The following SATB1 variants were observed in gnomAD, a reference collection of about 807,000 sequenced individuals.
SATB1 encodes SATB homeobox 1.
Under a neutral mutation model 86.9 loss-of-function variants are expected in SATB1, and 11 were observed. The observed-to-expected ratio is 0.13, with a 90% CI of 0.08 to 0.21. The LOEUF is 0.21. SATB1 is among the 10% of genes least tolerant of loss of function. SATB1 has a pLI of 1.00. For missense variants in SATB1, 551 were observed against 937.6 expected (o/e 0.59, Z 5.39); for synonymous variants, 357 against 357.2 (o/e 1.00, Z 0.01).
chr3:18,416,236 T>C, intron 3 of SATB1, 103 bp from the exon 4 acceptor site: 1 of 815,156 alleles, frequency 1.2e-6, no homozygotes, highest in Non-Finnish European at 1.8e-6. Context: ...CCACAAGCAG[T>C]ACCGTTATTT....
intron 9 of SATB1, among the ~76,000 whole-genome samples, chr3:18,372,126 A>T (rs939532888): frequency 6.6e-6 from 1 of 152,242 alleles, no homozygotes; most frequent in South Asian, 2.1e-4. Flanking sequence ...CTATGAATAC[A>T]TAGTTGGCAT....
chr3:18,443,007 C>A (rs1699279686), upstream of SATB1, among the ~76,000 whole-genome samples: 1 of 152,166 alleles, frequency 6.6e-6, no homozygotes, highest in African/African-American at 2.4e-5. This position sits in a 1 kb window ranked among gnomAD's most constrained non-coding sequence, Gnocchi z 4.4. Flanking sequence ...AACACCTCAA[C>A]CTTGGTTTTC....
chr3:18,354,896 A>C (rs1364684915), intron 9 of SATB1, among the ~76,000 whole-genome samples: 1 of 152,142 alleles, frequency 6.6e-6, no homozygotes, highest in East Asian at 1.9e-4. Context: ...CTGTGTCTCT[A>C]GACTTACGAG....
chr3:18,397,744 A>C (rs1697038328), intron 5 of SATB1, among the ~76,000 whole-genome samples: 1 of 152,220 alleles, frequency 6.6e-6, no homozygotes, highest in African/African-American at 2.4e-5. Context: ...AGCTTGTTAG[A>C]AATGCAGAAT....
At position 18,424,961 on chromosome 3, in the gene SATB1, G is replaced by C. The variant is rs1698605464; in HGVS notation, c.-1359C>G. 6.5e-6 allele frequency: 1 copy of C among 155,032 alleles called. No individual in the cohort carries two copies. The highest frequency in any genetic ancestry group is 2.4e-5 in the African/African-American group (1 of 41,476). The allele number at this position is 155,032 out of a possible 1,614,324, so 9.6% of individuals were successfully genotyped here. On this transcript the variant is annotated 5_prime_UTR_variant, in exon 1 of 11. Coordinates refer to ENST00000338745, the MANE Select transcript of SATB1 (RefSeq NM_002971.6). ...TTTGTGTGTGTGCGTGAGTGTGAGCGCGAGTCCCCGGACGGGGCTGCTTCT... is the reference window on the plus strand; with the variant it reads ...TTTGTGTGTGTGCGTGAGTGTGAGCCCGAGTCCCCGGACGGGGCTGCTTCT...
intron 2 of SATB1, among the ~76,000 whole-genome samples, chr3:18,433,681 A>G (rs778114287): frequency 6.6e-5 from 10 of 152,114 alleles, no homozygotes; most frequent in Non-Finnish European, 1.2e-4. Context: ...ACCAACTTAC[A>G]AACATATATT....
Position 18,386,629 on chromosome 3 carries a change from C to CACAG in SATB1, c.1207-22_1207-19dup. 1 of 1,608,546 alleles carries CACAG rather than the reference C, an allele frequency of 6.2e-7. No homozygotes were observed. The highest frequency in any genetic ancestry group is 1.1e-5 in the South Asian group (1 of 90,758). ...AGCAAGCCCTGCAAGAAATGAAAGG[C>CACAG]ACAGGGTGAGCCTGCTGCCTTGCTT... is the stretch of plus-strand genomic sequence containing the variant. On this transcript the variant is annotated intron_variant, in intron 7 of 10. Transcript: ENST00000338745. This position sits in a 1 kb window ranked among gnomAD's most constrained non-coding sequence, Gnocchi z 4.5.
intron 5 of SATB1, among the ~76,000 whole-genome samples, chr3:18,411,653 G>A (rs1309033096): frequency 1.3e-5 from 2 of 151,814 alleles, no homozygotes; most frequent in African/African-American, 4.8e-5. Context: ...CTCCTTAGCT[G>A]CAGTTCAGAA....
At chr3:18,412,478 T>C (rs536060608) in intron 5 of SATB1, among the ~76,000 whole-genome samples, 9 of 152,208 alleles carry the variant, frequency 5.9e-5, no homozygotes, top group African/African-American at 2.2e-4. Flanking sequence ...TACTTGCTAC[T>C]GGAGTACTTT....
chr3:18,369,552 G>A lies in SATB1; in HGVS notation c.1575+8618C>T, dbSNP rs1695355913. Among the ~76,000 whole-genome samples, 3 of 152,016 alleles carry A rather than the reference G, an allele frequency of 2.0e-5. 1 individual carries two copies. Among genetic ancestry groups the A allele is most frequent in the Admixed American group, 2.0e-4 (3 of 15,264 alleles). On this transcript the variant is annotated intron_variant, in intron 9 of 10. Transcript: ENST00000338745. ...TACATACCCCAACCCTTAAAAAAAA[G>A]GGGGGCCTGAAATTTTAGTTACACC...
At chr3:18,440,362 A>C (rs947533789), upstream of SATB1, among the ~76,000 whole-genome samples, 1 of 152,206 alleles carries the variant, frequency 6.6e-6, no homozygotes, top group Non-Finnish European at 1.5e-5. Context: ...CCATAGGGAA[A>C]TGATAAGAAA....
intron 4 of SATB1, 125 bp from the exon 5 acceptor site, chr3:18,415,359 C>G (rs1698056821): frequency 1.8e-6 from 2 of 1,086,312 alleles, no homozygotes; most frequent in East Asian, 4.9e-5. Context: ...TGCTCTCGGT[C>G]TCCTGATTGT....
At chr3:18,392,716 C>A (rs942730409) in intron 7 of SATB1, among the ~76,000 whole-genome samples, 1 of 151,552 alleles carries the variant, frequency 6.6e-6, no homozygotes, top group Non-Finnish European at 1.5e-5. Flanking sequence ...TGGCCTAGTA[C>A]GGAGAATTAT....
upstream of SATB1, among the ~76,000 whole-genome samples, chr3:18,427,411 T>G (rs1456108724): frequency 6.6e-6 from 1 of 152,134 alleles, no homozygotes; most frequent in Non-Finnish European, 1.5e-5. Context: ...ACAAATGTAA[T>G]TTAGCCAGGC....
At chr3:18,351,343 G>A (rs767352214) in intron 10 of SATB1, 5 of 1,553,134 alleles carry the variant, frequency 3.2e-6, no homozygotes, top group Admixed American at 1.9e-5. Flanking sequence ...ATGGTGCAGG[G>A]GTCGGCAGGC....
intron 9 of SATB1, among the ~76,000 whole-genome samples, chr3:18,364,478 G>T (rs1369635953): frequency 6.6e-6 from 1 of 151,710 alleles, no homozygotes; most frequent in Non-Finnish European, 1.5e-5. Context: ...TTTTTTAATG[G>T]TGACAAATTC....
intron 2 of SATB1, chr3:18,435,336 G>A (rs1404730193): frequency 1.3e-5 from 2 of 151,952 alleles, no homozygotes; most frequent in Admixed American, 1.3e-4. Context: ...AGATGAAGGT[G>A]GAAACTAATC....
At chr3:18,365,500 G>A (rs532396136) in intron 9 of SATB1, among the ~76,000 whole-genome samples, 2 of 152,252 alleles carry the variant, frequency 1.3e-5, no homozygotes, top group East Asian at 3.9e-4. Context: ...GAAACTAGCA[G>A]TGATCAAATA....
chr3:18,418,186 T>C (rs1365198733), intron 2 of SATB1, among the ~76,000 whole-genome samples: 1 of 152,174 alleles, frequency 6.6e-6, no homozygotes, highest in Non-Finnish European at 1.5e-5. Context: ...CCTACAATAC[T>C]AATGCCTCTA....
Sources: allele counts gnomAD v4.1 joint callset (sites outside exome capture counted in the v4.1 genomes callset), GRCh38; gene constraint gnomAD v4.1.1; non-coding constraint Gnocchi (gnomAD v3.1); transcripts MANE v1.5; gene names NCBI Gene and HGNC (gene_info 2026-07-23, HGNC 2026-07-21).